Variants in NAV1 observed in about 807,000 individuals in gnomAD.
The protein encoded by NAV1 is neuron navigator 1.
NAV1 carries 18 observed loss-of-function variants against 175.2 expected under a neutral mutation model. The observed-to-expected ratio is 0.10, with a 90% CI of 0.07 to 0.15. The LOEUF (loss-of-function observed/expected upper bound fraction) is 0.15. NAV1 is among the 10% of genes least tolerant of loss of function. The pLI is 1.00. For synonymous variants in NAV1, 897 were observed against 978.7 expected, an observed-to-expected ratio of 0.92 and a Z score of 1.56; for missense variants, 1,731 against 2,436.6, an observed-to-expected ratio of 0.71 and a Z score of 6.10.
chr1:201,672,340 A>G (rs754884893), intron 1 of NAV1, among the ~76,000 whole-genome samples: 2 of 152,168 alleles, frequency 1.3e-5, no homozygotes, highest in African/African-American at 2.4e-5. Flanking sequence ...CATTGATTTC[A>G]TGATCCACAA....
At chr1:201,569,873 CT>C (rs909873454) in intron 1 of NAV1, among the ~76,000 whole-genome samples, 1 of 152,184 alleles carries the variant, frequency 6.6e-6, no homozygotes, top group Non-Finnish European at 1.5e-5. Flanking sequence ...AGCTCTTAGG[CT>C]TCTGACTAGT....
intron 14 of NAV1, 140 bp downstream of exon 18, chr1:201,794,015 G>A: frequency 1.3e-6 from 1 of 741,064 alleles, no homozygotes. Flanking sequence ...TTCTCAATCT[G>A]CCCCCCAATA....
chr1:201,624,871 A>C (rs1668285832), intron 1 of NAV1, among the ~76,000 whole-genome samples: 1 of 152,150 alleles, frequency 6.6e-6, no homozygotes, highest in Admixed American at 6.5e-5. Flanking sequence ...TCCCTTACAC[A>C]CCAGGGACCT....
chr1:201,821,872 A>C (rs1485397587), exon 30 of NAV1: 1 of 152,224 alleles, frequency 6.6e-6, no homozygotes, highest in Non-Finnish European at 1.5e-5. Flanking sequence ...TCTGCAGGTC[A>C]AGGATATGTG....
chr1:201,810,708 G>T lies in NAV1; in HGVS notation c.4747G>T (p.Val1583Phe). 6.2e-7 allele frequency: 1 copy of T among 1,614,100 alleles called. No homozygotes were observed. Among genetic ancestry groups the T allele is most frequent in the Non-Finnish European group, 8.5e-7 (1 of 1,180,014 alleles). Reference sequence around the variant, plus strand: ...CCTGGTGGAGCGCTCTGGCCGTGAGGTCACAGAGGGCATCGTCAGCACCTT... The same window carrying T: ...CCTGGTGGAGCGCTCTGGCCGTGAGTTCACAGAGGGCATCGTCAGCACCTT... The change falls in exon 24 of 30, where the codon GTC becomes TTC. Residue 1583 changes from valine to phenylalanine, a missense_variant. This residue lies in a region of NAV1 where 115 missense variants were observed against 269.4 expected (regional missense o/e 0.43). Coordinates refer to ENST00000367296, the Ensembl canonical transcript of NAV1. The surrounding 1 kb of genome is among the most constrained non-coding windows in gnomAD (Gnocchi z 6.0).
intron 29 of NAV1, among the ~76,000 whole-genome samples, chr1:201,818,499 C>T (rs1490888049): frequency 6.7e-6 from 1 of 149,452 alleles, no homozygotes; most frequent in African/African-American, 2.5e-5. Flanking sequence ...CTGCACACTC[C>T]AGCCTGGCGA....
intron 1 of NAV1, among the ~76,000 whole-genome samples, chr1:201,674,424 TC>T (rs1257829161): frequency 2.7e-4 from 41 of 152,248 alleles, no homozygotes; most frequent in African/African-American, 9.9e-4. Context: ...GCCCAGGGCT[TC>T]TAAGAAATAG....
At chr1:201,578,517 C>A (rs1301873044) in intron 1 of NAV1, among the ~76,000 whole-genome samples, 1 of 152,128 alleles carries the variant, frequency 6.6e-6, no homozygotes, top group Non-Finnish European at 1.5e-5. Flanking sequence ...AGGAAGGGTG[C>A]CTTATTACTG....
At chr1:201,559,561 C>T (rs1666135164) in intron 1 of NAV1, among the ~76,000 whole-genome samples, 1 of 151,960 alleles carries the variant, frequency 6.6e-6, no homozygotes, top group Non-Finnish European at 1.5e-5. Flanking sequence ...CAAAATTGTC[C>T]ATTGAAGCAC....
intron 3 of NAV1, among the ~76,000 whole-genome samples, chr1:201,743,075 T>C (rs10920246): frequency 0.086 from 13,059 of 152,146 alleles, 1,781 homozygotes; most frequent in African/African-American, 0.29. Context: ...TATATATTAT[T>C]ATCATCCCAT....
At chr1:201,542,388 C>T (rs1232749143) in intron 1 of NAV1, among the ~76,000 whole-genome samples, 1 of 152,156 alleles carries the variant, frequency 6.6e-6, no homozygotes, top group Admixed American at 6.6e-5. Context: ...GCAAACACTT[C>T]GTCTTTCTGG....
In NAV1 at chr1:201,545,586, C is replaced by A. The variant is rs187194557; in HGVS notation, c.-144+6244C>A. On this transcript the variant is annotated intron_variant, in intron 1 of 33. Coordinates refer to the NAV1 transcript ENST00000685211. ...CCAGTCTCATCCTATTTCTTACTCA[C>A]CTTCCTCATTATATGCATCACCCTT... 1.7e-3 allele frequency among the ~76,000 whole-genome samples: 258 copies of A among 152,240 alleles called. 5 individuals carry two copies. The highest frequency in any genetic ancestry group is 4.6e-4 in the Admixed American group (7 of 15,290).
chr1:201,584,699 C>T (rs1666974810), intron 1 of NAV1, among the ~76,000 whole-genome samples: 1 of 152,174 alleles, frequency 6.6e-6, no homozygotes. Context: ...TAAGAAACCG[C>T]CCAGAGCTTA....
At chr1:201,680,883 G>T (rs190878553) in intron 1 of NAV1, among the ~76,000 whole-genome samples, 2 of 152,220 alleles carry the variant, frequency 1.3e-5, no homozygotes, top group Admixed American at 1.3e-4. Context: ...AGCTGTGATC[G>T]CAACGCCACA....
chr1:201,666,467 G>A (rs1192526178), intron 1 of NAV1, among the ~76,000 whole-genome samples: 1 of 152,212 alleles, frequency 6.6e-6, no homozygotes, highest in Non-Finnish European at 1.5e-5. Flanking sequence ...TCGAGCAACT[G>A]TCCTTTATAT....
chr1:201,596,758 C>T (rs1667357079), intron 2 of NAV1, among the ~76,000 whole-genome samples: 1 of 152,156 alleles, frequency 6.6e-6, no homozygotes, highest in Non-Finnish European at 1.5e-5. Context: ...GAGTTTCCAG[C>T]CCAATGGGAA....
intron 3 of NAV1, chr1:201,724,565 A>G (rs1333407273): frequency 6.6e-6 from 1 of 152,226 alleles, no homozygotes; most frequent in Non-Finnish European, 1.5e-5. Context: ...AAGTCCCACA[A>G]CTCCAGAGGG....
At chr1:201,757,039 A>G (rs954073730) in intron 3 of NAV1, among the ~76,000 whole-genome samples, 2 of 151,696 alleles carry the variant, frequency 1.3e-5, no homozygotes, top group African/African-American at 4.8e-5. Flanking sequence ...CCCTACTGTT[A>G]TACGGACCTA....
chr1:201,722,544 G>T (rs1447905482), intron 3 of NAV1, among the ~76,000 whole-genome samples: 2 of 152,184 alleles, frequency 1.3e-5, no homozygotes, highest in African/African-American at 4.8e-5. Context: ...CTATTGTGAA[G>T]AATGTTGCTC....
Sources: gnomAD v4.1 joint callset for allele counts (sites outside exome capture counted in the v4.1 genomes callset) on GRCh38, gnomAD v4.1.1 for gene constraint, gnomAD v4.1.1 regional missense constraint, Gnocchi (gnomAD v3.1) non-coding constraint, MANE v1.5 for transcripts, NCBI Gene and HGNC (gene_info 2026-07-23, HGNC 2026-07-21) for gene names.